THADA: variants seen among roughly 807,000 people sequenced by gnomAD.
THADA encodes THADA armadillo repeat containing, also known as tRNA (32-2'-O)-methyltransferase regulator THADA.
THADA carries 213 observed loss-of-function variants against 219.8 expected under a neutral mutation model. The ratio of observed to expected loss-of-function variants is 0.97; its 90% confidence interval spans 0.87 to 1.09. THADA has a LOEUF of 1.09. Ranked by LOEUF, THADA falls within the 50% of genes least tolerant of loss-of-function variation. THADA has a pLI of 0.00. For synonymous variants in THADA, 1,018 were observed against 828.9 expected (o/e 1.23, Z -3.92); for missense variants, 2,956 against 2,311.3 (o/e 1.28, Z -5.72).
In THADA at chr2:43,293,168, G is replaced by C; in HGVS notation, c.4484C>G (p.Ser1495Ter). Residue 1495 changes from serine to a stop codon, truncating the protein, a stop_gained, in exon 32 of 38, where the codon TCA becomes TGA. Transcript: ENST00000405975. LOFTEE classifies it high-confidence loss of function. ...GFWEEVRGIISGSELITGFPW... is the reference protein window; with the variant it reads ...GFWEEVRGII ...GAATCCCGTTATCAGCTCTGATCCTGAGATAATCCCTCTGACTTCCTCCCA... is the reference window on the plus strand; with the variant it reads ...GAATCCCGTTATCAGCTCTGATCCTCAGATAATCCCTCTGACTTCCTCCCA... 6.2e-7 allele frequency: 1 copy of C among 1,613,810 alleles called. No individual in the cohort carries two copies. The highest frequency in any genetic ancestry group is 2.2e-5 in the East Asian group (1 of 44,874).
At chr2:43,431,044 C>A (rs1458955645) in intron 26 of THADA, among the ~76,000 whole-genome samples, 1 of 152,174 alleles carries the variant, frequency 6.6e-6, no homozygotes, top group Non-Finnish European at 1.5e-5. Flanking sequence ...AATAGTTCCT[C>A]AGGCTGCACC....
intron 26 of THADA, among the ~76,000 whole-genome samples, chr2:43,453,406 A>G (rs1345582682): frequency 6.6e-6 from 1 of 152,260 alleles, no homozygotes; most frequent in Non-Finnish European, 1.5e-5. Flanking sequence ...AGCATTTGGT[A>G]GAGTTGTGAA....
chr2:43,538,169 T>C (rs908422413), intron 21 of THADA, among the ~76,000 whole-genome samples: 2 of 152,194 alleles, frequency 1.3e-5, no homozygotes, highest in African/African-American at 4.8e-5. Flanking sequence ...CAGTAGGCAC[T>C]GGGTATCAGA....
At chr2:43,538,542 T>C (rs1007820006) in intron 21 of THADA, 2 of 152,254 alleles carry the variant, frequency 1.3e-5, no homozygotes, top group African/African-American at 2.4e-5. Context: ...GTCATCTTAC[T>C]GTCCTGTTGC....
intron 26 of THADA, among the ~76,000 whole-genome samples, chr2:43,439,982 T>A (rs1409754341): frequency 6.6e-6 from 1 of 152,228 alleles, no homozygotes; most frequent in East Asian, 1.9e-4. Flanking sequence ...TTATTGAACA[T>A]TTTATCCAAA....
intron 36 of THADA, among the ~76,000 whole-genome samples, chr2:43,266,408 G>A (rs1028235899): frequency 6.6e-6 from 1 of 152,096 alleles, no homozygotes; most frequent in Non-Finnish European, 1.5e-5. Context: ...TGGCTAACAC[G>A]GTGAAACCCC....
chr2:43,445,874 A>G (rs1205505039), intron 26 of THADA, among the ~76,000 whole-genome samples: 1 of 152,060 alleles, frequency 6.6e-6, no homozygotes, highest in Admixed American at 6.6e-5. Context: ...TCCCTTTCAG[A>G]AGTTGCTTTC....
At chr2:43,567,149 C>T (rs1176802351) in intron 14 of THADA, among the ~76,000 whole-genome samples, 1 of 151,486 alleles carries the variant, frequency 6.6e-6, no homozygotes, top group African/African-American at 2.4e-5. Flanking sequence ...ACTGACTCTA[C>T]CAAAGATCCC....
intron 3 of THADA, among the ~76,000 whole-genome samples, chr2:43,591,416 T>G (rs1407562028): frequency 6.6e-6 from 1 of 152,152 alleles, no homozygotes; most frequent in East Asian, 1.9e-4. Flanking sequence ...TTTCACTATT[T>G]ATTAACTTTT....
intron 29 of THADA, among the ~76,000 whole-genome samples, chr2:43,396,167 A>G (rs955029266): frequency 6.6e-6 from 1 of 152,208 alleles, no homozygotes; most frequent in Non-Finnish European, 1.5e-5. Flanking sequence ...CTGCCAACCT[A>G]GAACTTCAGT....
intron 29 of THADA, among the ~76,000 whole-genome samples, chr2:43,356,075 G>A (rs1668841784): frequency 6.6e-6 from 1 of 152,090 alleles, no homozygotes; most frequent in African/African-American, 2.4e-5. Flanking sequence ...ACGGTTAAGG[G>A]CTATAAGAGA....
chr2:43,305,534 T>C (rs1038102910), intron 31 of THADA, among the ~76,000 whole-genome samples: 12 of 152,200 alleles, frequency 7.9e-5, no homozygotes, highest in Admixed American at 2.0e-4. Context: ...TGTCCCAGCA[T>C]ACTCTCAAAG....
rs892498666 is a variant in THADA, at chr2:43,344,653, C to T, written c.4228-416G>A. ...AAAATACATTGTTTGAGAGTCTAAACTGGTTTACATGTCTGAGTTCATTAG... is the reference window on the plus strand; with the variant it reads ...AAAATACATTGTTTGAGAGTCTAAATTGGTTTACATGTCTGAGTTCATTAG... On this transcript the variant is annotated intron_variant, in intron 29 of 37. Transcript: ENST00000405975. Among the ~76,000 whole-genome samples the T allele has an allele frequency of 5.3e-5, 8 of 152,274 alleles. No homozygotes were observed. In the East Asian group the frequency reaches 1.3e-3, roughly 26 times the overall value.
At chr2:43,302,919 C>T (rs1246303507) in intron 31 of THADA, among the ~76,000 whole-genome samples, 4 of 151,596 alleles carry the variant, frequency 2.6e-5, no homozygotes, top group Non-Finnish European at 4.4e-5. Flanking sequence ...CATAGTGAGA[C>T]CCTATCTCTA....
At chr2:43,384,587 T>C (rs1672415532) in intron 29 of THADA, among the ~76,000 whole-genome samples, 1 of 152,214 alleles carries the variant, frequency 6.6e-6, no homozygotes, top group Admixed American at 6.5e-5. Flanking sequence ...GTATCTCTGT[T>C]CTCTATATGC....
At chr2:43,523,057 C>G (rs1692691949) in intron 22 of THADA, among the ~76,000 whole-genome samples, 1 of 152,032 alleles carries the variant, frequency 6.6e-6, no homozygotes, top group Non-Finnish European at 1.5e-5. Context: ...AGACACATTT[C>G]CCAAATGAAA....
At chr2:43,330,374 G>A (rs1259318366) in intron 30 of THADA, among the ~76,000 whole-genome samples, 1 of 151,438 alleles carries the variant, frequency 6.6e-6, no homozygotes, top group African/African-American at 2.5e-5. Context: ...AAAGGCTAGT[G>A]AGACTTAGGA....
intron 26 of THADA, among the ~76,000 whole-genome samples, chr2:43,473,210 T>G (rs1010706999): frequency 6.6e-6 from 1 of 152,256 alleles, no homozygotes; most frequent in African/African-American, 2.4e-5. Context: ...ATTATTCAGC[T>G]GTACAAAAAC....
At chr2:43,266,236 C>A (rs1265713213) in intron 36 of THADA, among the ~76,000 whole-genome samples, 2 of 152,152 alleles carry the variant, frequency 1.3e-5, no homozygotes, top group African/African-American at 4.8e-5. Context: ...CCACTTTCAA[C>A]TCCAAAACCA....
Sources: allele counts gnomAD v4.1 joint callset (sites outside exome capture counted in the v4.1 genomes callset), GRCh38; gene constraint gnomAD v4.1.1; transcripts MANE v1.5; gene names NCBI Gene and HGNC (gene_info 2026-07-23, HGNC 2026-07-21).